The following NUDT10 variants were observed in gnomAD, a reference collection of about 807,000 sequenced individuals.
NUDT10 encodes diphosphoinositol polyphosphate phosphohydrolase 3-alpha.
A neutral mutation model predicts 10.5 loss-of-function variants in NUDT10; 2 were observed. The observed-to-expected ratio is 0.19, with a 90% CI of 0.08 to 0.60. The LOEUF (loss-of-function observed/expected upper bound fraction) is 0.60, where lower values mean the gene tolerates loss of function less well. Among genes scored for constraint, NUDT10 ranks in the 20% least tolerant of loss-of-function variants. The pLI, the probability that NUDT10 is intolerant of heterozygous loss-of-function variation, is 0.89. For missense variants in NUDT10, 75 were observed against 149.5 expected, an observed-to-expected ratio of 0.50 and a Z score of 2.60; for synonymous variants, 53 against 71.8, an observed-to-expected ratio of 0.74 and a Z score of 1.32.
chrX:51,334,212 C>T (rs1394489761), intron 1 of NUDT10, among the ~76,000 whole-genome samples: 1 of 111,770 alleles, frequency 8.9e-6, no homozygotes, highest in East Asian at 2.8e-4. Context: ...TCACTGCTGA[C>T]TTTAAATCGC....
rs1557312810 is a variant in NUDT10 at position 51,336,976 on chromosome X, A to G, written c.*737A>G. 8.9e-6 allele frequency: 1 copy of G among 112,031 alleles called. No individual in the cohort carries two copies. Among genetic ancestry groups the G allele is most frequent in the Non-Finnish European group, 1.9e-5 (1 of 53,270 alleles). The allele number at this position is 112,031 out of a possible 1,213,427, so 9.2% of individuals were successfully genotyped here. Reference sequence around the variant, plus strand: ...AAATTTGACCATGCCCCTAGAAATAATTCCTAATCTTTAGAAAATAGGGCA... The same window carrying G: ...AAATTTGACCATGCCCCTAGAAATAGTTCCTAATCTTTAGAAAATAGGGCA... On this transcript the variant is annotated 3_prime_UTR_variant, in exon 2 of 2. Transcript: ENST00000356450.
intron 1 of NUDT10, among the ~76,000 whole-genome samples, chrX:51,333,749 C>CGGGGGGGGGGGG (rs1252405750): frequency 1.6e-4 from 2 of 12,484 alleles, no homozygotes; most frequent in African/African-American, 7.0e-4. Context: ...TGCTTTTGGG[C>CGGGGGGGGGGGG]GGGGGGGGGG....
chrX:51,332,695 C>A (rs1361194169), upstream of NUDT10: 6 of 368,833 alleles, frequency 1.6e-5, no homozygotes, highest in East Asian at 1.9e-4. Context: ...TCCACTCCGG[C>A]GGGCCCGGGT....
chrX:51,337,511 AG>A lies in NUDT10; in HGVS notation c.*1273del, dbSNP rs1372376869. The A allele has an allele frequency of 8.9e-6, 1 of 112,156 alleles. No individual in the cohort carries two copies. The highest frequency in any genetic ancestry group is 1.9e-5 in the Non-Finnish European group (1 of 53,293). 9.2% of individuals were successfully genotyped at this position (112,156 alleles called of 1,213,427 possible). A position where few individuals can be genotyped will look rare whatever the true frequency, so the allele number is the denominator to read the frequency against. ...GTATGTTTGGCATTTTCCGTAATAA[AG>A]TTTATAAAAATAATTACTGGAGTTA... On this transcript the variant is annotated 3_prime_UTR_variant, in exon 2 of 2. Coordinates refer to ENST00000356450, the MANE Select transcript of NUDT10 (RefSeq NM_001304963.2).
In NUDT10 at chrX:51,333,538, A is replaced by G. The variant is rs188335934; in HGVS notation, c.494+79A>G. 1.9e-3 allele frequency: 2,136 copies of G among 1,139,188 alleles called. 17 individuals carry two copies. The African/African-American group carries it at 0.03, about 16-fold the overall frequency. 93.9% of individuals were successfully genotyped at this position (1,139,188 alleles called of 1,213,427 possible). A position where few individuals can be genotyped will look rare whatever the true frequency, so the allele number is the denominator to read the frequency against. ...GCATCCCGCCTGGAGCACCTCTCGT[A>G]CCATGTGCGGTCTCATGGGCAGGAG... On this transcript the variant is annotated intron_variant, in intron 1 of 1. Coordinates refer to ENST00000356450, the MANE Select transcript of NUDT10 (RefSeq NM_001304963.2).
Position 51,336,678 on chromosome X carries a change from G to A in NUDT10, c.*439G>A, listed in dbSNP as rs1290586348. 4 of 113,502 alleles carry A rather than the reference G, an allele frequency of 3.5e-5. No individual in the cohort carries two copies. The highest frequency in any genetic ancestry group is 9.7e-5 in the African/African-American group (3 of 30,857). 9.4% of individuals were successfully genotyped at this position (113,502 alleles called of 1,213,427 possible). On this transcript the variant is annotated 3_prime_UTR_variant, in exon 2 of 2. Transcript: ENST00000356450. ...TCTGTCTAGCATATATGTGACTTTT[G>A]TTTATCAAGTGTCACACAACTGCTT...
At chrX:51,332,731 G>T, upstream of NUDT10, 4 of 435,405 alleles carry the variant, frequency 9.2e-6, no homozygotes, top group South Asian at 2.1e-4. Flanking sequence ...TCGGACTGGC[G>T]GACTGGCTGA....
chrX:51,337,279 T>C lies in NUDT10; in HGVS notation c.*1040T>C, dbSNP rs1922868704. 1 of 112,250 alleles carries C rather than the reference T, an allele frequency of 8.9e-6. No homozygotes were observed. Among genetic ancestry groups the C allele is most frequent in the Non-Finnish European group, 1.9e-5 (1 of 53,300 alleles). 9.3% of individuals were successfully genotyped at this position (112,250 alleles called of 1,213,427 possible). ...GTATTTGGTATTAGAATAATGGTTT[T>C]ATCATTATGTTAGAAAGAAGGGTCC... On this transcript the variant is annotated 3_prime_UTR_variant, in exon 2 of 2. Transcript: ENST00000356450.
Position 51,333,239 on chromosome X carries a change from A to G in NUDT10, c.274A>G (p.Arg92Gly). The change falls in exon 1 of 2, where the codon AGA (arginine) becomes GGA (glycine). Residue 92 changes from arginine (R) to glycine (G), a missense_variant. Arg to Gly is a moderately radical substitution (Grantham distance 125). Coordinates refer to ENST00000356450, the MANE Select transcript of NUDT10 (RefSeq NM_001304963.2). ...CGAACAGAACCAGGACCCCAAGCAC[A>G]GAACGTACGTGTATGTACTGACTGT... ...VFEQNQDPKH[R>G]TYVYVLTVTE... The G allele has an allele frequency of 8.3e-6, 10 of 1,211,590 alleles. No individual in the cohort carries two copies. Among genetic ancestry groups the G allele is most frequent in the Non-Finnish European group, 1.1e-5 (10 of 895,417 alleles).
intron 1 of NUDT10, 104 bp from the exon 2 acceptor site, chrX:51,336,135 A>G (rs1407584165): frequency 8.5e-6 from 4 of 472,122 alleles, no homozygotes; most frequent in South Asian, 3.6e-5. Flanking sequence ...GGCTTTTCCA[A>G]TTCAAAATGG....
rs1922719822 is a variant in NUDT10 at position 51,332,998 on chromosome X, C to T, written c.33C>T (p.Tyr11=). 1.7e-6 allele frequency: 2 copies of T among 1,209,634 alleles called. No homozygotes were observed. The highest frequency in any genetic ancestry group is 3.0e-5 in the East Asian group (1 of 33,697). The change falls in exon 1 of 2, where the codon TAC becomes TAT. Residue 11 remains tyrosine, a synonymous_variant. Coordinates refer to ENST00000356450, the MANE Select transcript of NUDT10 (RefSeq NM_001304963.2). The stretch of plus-strand genomic sequence containing the variant: ...GCAAACCCAACCAGACACGGACCTA[C>T]GACCCCGAGGGGTTCAAGAAGCGGG... MKCKPNQTRT[Y]DPEGFKKRAA...
In NUDT10 at chrX:51,333,000, A is replaced by AC. The variant is rs1557312262; in HGVS notation, c.39dup (p.Glu14ArgfsTer25). ...AAACCCAACCAGACACGGACCTACG[A>AC]CCCCGAGGGGTTCAAGAAGCGGGCG... On this transcript the variant is annotated frameshift_variant, in exon 1 of 2. Transcript: ENST00000356450. LOFTEE classifies it high-confidence loss of function. 1 of 1,208,948 alleles carries AC rather than the reference A, an allele frequency of 8.3e-7. No individual in the cohort carries two copies. Among genetic ancestry groups the AC allele is most frequent in the Non-Finnish European group, 1.1e-6 (1 of 894,879 alleles).
At chrX:51,332,783 C>T (rs1726369746), upstream of NUDT10, 1 of 706,411 alleles carries the variant, frequency 1.4e-6, no homozygotes, top group African/African-American at 2.2e-5. Flanking sequence ...CGTGCCCCGC[C>T]CAGCTTCATC....
In NUDT10 at chrX:51,333,268, G is replaced by A; in HGVS notation, c.303G>A (p.Thr101=). Residue 101 remains threonine, a synonymous_variant, in exon 1 of 2, where the codon ACG becomes ACA. Transcript: ENST00000356450. ...HRTYVYVLTV[T]ELLEDWEDSV... is the part of the protein sequence containing the mutation. ...CGTACGTGTATGTACTGACTGTCAC[G>A]GAGCTGCTGGAGGATTGGGAAGATT... 5.0e-6 allele frequency: 6 copies of A among 1,211,347 alleles called. No homozygotes were observed. Among genetic ancestry groups the A allele is most frequent in the Admixed American group, 2.2e-5 (1 of 46,041 alleles).
chrX:51,335,281 G>C (rs1264321803), intron 1 of NUDT10, among the ~76,000 whole-genome samples: 7 of 92,110 alleles, frequency 7.6e-5, no homozygotes, highest in African/African-American at 3.0e-4. Context: ...TCGTGCCACT[G>C]CACTCCAGCC....
At chrX:51,333,620 G>T (rs1168692407) in intron 1 of NUDT10, among the ~76,000 whole-genome samples, 161 bp downstream of exon 1, 3 of 109,522 alleles carry the variant, frequency 2.7e-5, no homozygotes, top group Admixed American at 9.8e-5. Context: ...CTGTTGCCAG[G>T]CCCTGTTTTC....
chrX:51,333,754 G>GA (rs1350299012), intron 1 of NUDT10, among the ~76,000 whole-genome samples: 1 of 68,081 alleles, frequency 1.5e-5, no homozygotes, highest in African/African-American at 5.2e-5. Context: ...TTGGGCGGGG[G>GA]GGGGGGGGGT....
rs1393453455 is a variant in NUDT10, at chrX:51,332,899, C to T, written c.-67C>T. 10 of 1,157,709 alleles carry T rather than the reference C, an allele frequency of 8.6e-6. No homozygotes were observed. Among genetic ancestry groups the T allele is most frequent in the South Asian group, 2.0e-5 (1 of 49,989 alleles). On this transcript the variant is annotated 5_prime_UTR_variant, in exon 1 of 2. Transcript: ENST00000356450. ...TCTTCCCAGCACCTCGGCTGCTGCCCGGCAGCGGCAGCAGCTGCGTCGGCG... is the reference window on the plus strand; with the variant it reads ...TCTTCCCAGCACCTCGGCTGCTGCCTGGCAGCGGCAGCAGCTGCGTCGGCG...
intron 1 of NUDT10, among the ~76,000 whole-genome samples, chrX:51,334,145 C>A (rs1144825): frequency 0.17 from 19,072 of 111,182 alleles, 1,293 homozygotes; most frequent in South Asian, 0.23. Flanking sequence ...TCAGAAATTT[C>A]TTTTTCTATT....
Sources: allele counts gnomAD v4.1 joint callset (sites outside exome capture counted in the v4.1 genomes callset), GRCh38; gene constraint gnomAD v4.1.1; transcripts MANE v1.5; gene names NCBI Gene and HGNC (gene_info 2026-07-23, HGNC 2026-07-21).